DYNC2I2: variants seen among roughly 807,000 people sequenced by gnomAD.
The protein encoded by DYNC2I2 is dynein 2 intermediate chain 2, also known as cytoplasmic dynein 2 intermediate chain 2.
Under a neutral mutation model 52.0 loss-of-function variants are expected in DYNC2I2, and 39 were observed. The observed-to-expected ratio is 0.75, with a 90% CI of 0.58 to 0.98. The LOEUF (loss-of-function observed/expected upper bound fraction) is 0.98. Among genes scored for constraint, DYNC2I2 ranks in the 50% least tolerant of loss-of-function variants. DYNC2I2 has a pLI of 0.00. For synonymous variants in DYNC2I2, 359 were observed against 321.1 expected (o/e 1.12, Z -1.26); for missense variants, 743 against 728.4 (o/e 1.02, Z -0.23).
chr9:128,669,867 G>T, the DYNC2I2 span, among the ~76,000 whole-genome samples: 1 of 152,128 alleles, frequency 6.6e-6, no homozygotes, highest in Non-Finnish European at 1.5e-5. Flanking sequence ...TTTTAGTAAA[G>T]ACGGGGTTTC....
upstream of DYNC2I2, among the ~76,000 whole-genome samples, chr9:128,659,844 G>C (rs979559911): frequency 6.6e-6 from 1 of 151,568 alleles, no homozygotes; most frequent in African/African-American, 2.4e-5. Flanking sequence ...GGAGGTGGAA[G>C]TGGCAGTGAG....
chr9:128,667,602 G>A, the DYNC2I2 span, among the ~76,000 whole-genome samples: 3 of 148,206 alleles, frequency 2.0e-5, no homozygotes, highest in African/African-American at 5.0e-5. Flanking sequence ...ACACAGCCTC[G>A]CTCTGACACC....
intron 1 of DYNC2I2, among the ~76,000 whole-genome samples, chr9:128,643,687 GC>G (rs1860560479): frequency 6.6e-6 from 1 of 152,182 alleles, no homozygotes; most frequent in Admixed American, 6.6e-5. Context: ...AGCAAGTAAA[GC>G]CCAAGACGAC....
At chr9:128,663,302 C>T in the DYNC2I2 span, 1 of 152,184 alleles carries the variant, frequency 6.6e-6, no homozygotes, top group Non-Finnish European at 1.5e-5. Context: ...CAATTCAGGC[C>T]CCACTCCTTC....
At chr9:128,663,979 C>T in the DYNC2I2 span, among the ~76,000 whole-genome samples, 3 of 107,506 alleles carry the variant, frequency 2.8e-5, no homozygotes, top group Admixed American at 1.1e-4. Context: ...TTTTTTGAGA[C>T]GGAGTTTTGC....
the DYNC2I2 span, among the ~76,000 whole-genome samples, chr9:128,683,079 C>A: frequency 1.3e-5 from 2 of 151,566 alleles, no homozygotes; most frequent in African/African-American, 4.8e-5. Context: ...ACTGCAACCT[C>A]CACCTCCCAG....
intron 2 of DYNC2I2, among the ~76,000 whole-genome samples, chr9:128,638,150 T>C (rs1860448727): frequency 6.7e-6 from 1 of 148,652 alleles, no homozygotes; most frequent in South Asian, 2.1e-4. Flanking sequence ...GGTGGGAGGA[T>C]CACTTGAACC....
At chr9:128,660,061 T>C (rs2132197236), upstream of DYNC2I2, among the ~76,000 whole-genome samples, 1 of 143,422 alleles carries the variant, frequency 7.0e-6, no homozygotes, top group South Asian at 2.2e-4. Flanking sequence ...AGTGAGACCC[T>C]GTCAAAAAAA....
upstream of DYNC2I2, among the ~76,000 whole-genome samples, chr9:128,657,860 C>T (rs902795184): frequency 3.9e-5 from 6 of 152,074 alleles, no homozygotes; most frequent in Non-Finnish European, 7.4e-5. Context: ...AAGGCCAAGG[C>T]AAGAGGATCA....
the DYNC2I2 span, among the ~76,000 whole-genome samples, chr9:128,670,858 G>T: frequency 3.0e-3 from 461 of 151,908 alleles, 7 homozygotes; most frequent in East Asian, 0.034. Context: ...GAGGTCAGGA[G>T]TTGGAGACCA....
chr9:128,634,187 A>C (rs1051954451), intron 8 of DYNC2I2, 39 bp downstream of exon 8: 1 of 1,610,246 alleles, frequency 6.2e-7, no homozygotes, highest in Non-Finnish European at 8.5e-7. Flanking sequence ...CAGACCACCC[A>C]CCCCTTAAAC....
chr9:128,656,305 G>A (rs986340238), intron 1 of DYNC2I2, among the ~76,000 whole-genome samples: 1 of 152,106 alleles, frequency 6.6e-6, no homozygotes, highest in African/African-American at 2.4e-5. Context: ...ATCCTTGGAG[G>A]TGTTTTGTTT....
chr9:128,674,830 C>T, the DYNC2I2 span, among the ~76,000 whole-genome samples: 1 of 152,182 alleles, frequency 6.6e-6, no homozygotes, highest in Non-Finnish European at 1.5e-5. Context: ...CTGCCCGTCT[C>T]AGCCTCCTAA....
Position 128,634,742 on chromosome 9 carries a change from G to A in DYNC2I2, c.1161C>T (p.Thr387=), listed in dbSNP as rs1357623730. 1 of 1,600,664 alleles carries A rather than the reference G, an allele frequency of 6.2e-7. No homozygotes were observed. The highest frequency in any genetic ancestry group is 8.5e-7 in the Non-Finnish European group (1 of 1,174,232). The change falls in exon 7 of 9, where the codon ACC becomes ACT. Residue 387 remains threonine (T), a synonymous_variant. Coordinates refer to ENST00000372715, the MANE Select transcript of DYNC2I2 (RefSeq NM_052844.4). ...SVPLRAPAQF[T]FSPHGGPIYS... ...AGATGGGACCGCCGTGGGGGGAGAA[G>A]GTAAACTGTGCTGGGGCCCGCAGGG...
Position 128,633,894 on chromosome 9 carries a change from A to G in DYNC2I2, c.1461T>C (p.Cys487=), listed in dbSNP as rs2132130770. The G allele has an allele frequency of 6.2e-7, 1 of 1,613,380 alleles. No homozygotes were observed. The change falls in exon 9 of 9, where the codon TGT becomes TGC. Residue 487 remains cysteine, a synonymous_variant. Transcript: ENST00000372715. The stretch of plus-strand genomic sequence containing the variant: ...GAGTCTGCTGGCTGTTGAACTCCAG[A>G]CAGTAGACAGGGCTTTCATCCTGGG... ...KQTQDESPVY[C]LEFNSQQTQL...
chr9:128,683,005 C>CT, the DYNC2I2 span, among the ~76,000 whole-genome samples: 18 of 145,818 alleles, frequency 1.2e-4, no homozygotes, highest in East Asian at 3.7e-3. Context: ...AAAAAAAAGT[C>CT]TTTTTTTGAG....
chr9:128,653,399 G>A (rs10760571), intron 1 of DYNC2I2, among the ~76,000 whole-genome samples: 109,458 of 150,286 alleles, frequency 0.73, 43,812 homozygotes, highest in Non-Finnish European at 0.89. Context: ...CCAATATGGC[G>A]AAACCCCGTC....
upstream of DYNC2I2, among the ~76,000 whole-genome samples, chr9:128,661,413 G>A (rs1860916745): frequency 6.6e-6 from 1 of 151,748 alleles, no homozygotes; most frequent in South Asian, 2.1e-4. Context: ...GAGGTCAGGA[G>A]TTCAAGACCA....
chr9:128,667,821 C>A, the DYNC2I2 span, among the ~76,000 whole-genome samples: 5 of 151,412 alleles, frequency 3.3e-5, no homozygotes, highest in African/African-American at 1.2e-4. Context: ...CAACCTCTGC[C>A]TCCTGGGTTC....
Sources: gnomAD v4.1 joint callset for allele counts (sites outside exome capture counted in the v4.1 genomes callset) on GRCh38, gnomAD v4.1.1 for gene constraint, MANE v1.5 for transcripts, NCBI Gene and HGNC (gene_info 2026-07-23, HGNC 2026-07-21) for gene names.